The following TLE3 variants were observed in gnomAD, a reference collection of about 807,000 sequenced individuals.
TLE3 encodes the protein transducin-like enhancer protein 3.
Under a neutral mutation model 93.0 loss-of-function variants are expected in TLE3, and 14 were observed. The observed-to-expected ratio is 0.15, with a 90% confidence interval of 0.10 to 0.24. TLE3 has a LOEUF of 0.24. TLE3 is among the 10% of genes least tolerant of loss of function. The pLI, the probability that TLE3 is intolerant of heterozygous loss-of-function variation, is 1.00. For missense variants in TLE3, 693 were observed against 1,046.6 expected, an observed-to-expected ratio of 0.66 and a Z score of 4.66; for synonymous variants, 451 against 425.0, an observed-to-expected ratio of 1.06 and a Z score of -0.75.
At chr15:70,080,725 A>C (rs1447047344) in intron 4 of TLE3, among the ~76,000 whole-genome samples, 2 of 152,296 alleles carry the variant, frequency 1.3e-5, no homozygotes, top group East Asian at 3.9e-4. Context: ...TGAGCATTCT[A>C]AAAGTCTATT....
chr15:70,062,641 C>A (rs963242542), intron 8 of TLE3, among the ~76,000 whole-genome samples: 4 of 152,214 alleles, frequency 2.6e-5, no homozygotes, highest in Admixed American at 2.6e-4. Context: ...ACTAACCCCT[C>A]TGGGACAGCT....
intron 4 of TLE3, among the ~76,000 whole-genome samples, chr15:70,092,632 C>T (rs1385026560): frequency 2.6e-5 from 4 of 152,206 alleles, no homozygotes; most frequent in Admixed American, 2.0e-4. Context: ...CCTTAAGAAC[C>T]TTGTTTGGGG....
At chr15:70,074,675 G>T in intron 5 of TLE3, 68 bp from the exon 6 acceptor site, 1 of 1,383,064 alleles carries the variant, frequency 7.2e-7, no homozygotes, top group Non-Finnish European at 9.9e-7. Flanking sequence ...AGGCTGTGCA[G>T]CACTGGCAGG....
chr15:70,064,051 GACCTCTCAGAGTATC>G (rs759016752), intron 8 of TLE3, among the ~76,000 whole-genome samples: 19 of 152,276 alleles, frequency 1.2e-4, no homozygotes, highest in Non-Finnish European at 2.2e-4. Flanking sequence ...CTGGTCAGCT[GACCTCTCAGAGTATC>G]ACCTCTCATA....
At chr15:70,051,313 C>T (rs2055517694) in intron 19 of TLE3, 78 bp downstream of exon 19, 1 of 1,402,280 alleles carries the variant, frequency 7.1e-7, no homozygotes, top group African/African-American at 1.4e-5. Context: ...CTTCCTGCTG[C>T]TATCCTCACT....
intron 4 of TLE3, among the ~76,000 whole-genome samples, chr15:70,087,288 T>C (rs1441986034): frequency 6.6e-6 from 1 of 152,174 alleles, no homozygotes; most frequent in Non-Finnish European, 1.5e-5. Context: ...AGCCCTCTAG[T>C]ACACAGGTCA....
rs779294206 is a variant in TLE3, at chr15:70,059,471, G to C, written c.715-11C>G. On this transcript the variant is annotated splice_polypyrimidine_tract_variant and intron_variant, in intron 9 of 19. Coordinates refer to ENST00000451782, the MANE Select transcript of TLE3 (RefSeq NM_001105192.3). ...GTCTCCATCACTGTCCTGCAACCAA[G>C]AGAGAAGCCAACTGGTCAGTAAGAG... The C allele has an allele frequency of 1.9e-6, 3 of 1,605,896 alleles. No homozygotes were observed. The highest frequency in any genetic ancestry group is 2.2e-5 in the East Asian group (1 of 44,584).
At chr15:70,055,601 A>G (rs373904923) in intron 14 of TLE3, 2 of 314,356 alleles carry the variant, frequency 6.4e-6, no homozygotes, top group Non-Finnish European at 5.8e-6. Context: ...CAACATGCCA[A>G]CCCTGGAAAG....
chr15:70,058,666 A>G lies in TLE3; in HGVS notation c.915T>C (p.Gly305=), dbSNP rs771123581. The part of the protein sequence containing the change: ...STPSSKTKDL[G]HNDKSSTPGL... ...CTTCCACCCAGACCCCACATACATG[A>G]CCAAGGTCTTTGGTCTTGGAGGAAG... Residue 305 remains glycine (G), a synonymous_variant, in exon 11 of 20, where the codon GGT becomes GGC. Transcript: ENST00000451782. The surrounding 1 kb of genome is among the most constrained non-coding windows in gnomAD (Gnocchi z 4.1). 1.3e-6 allele frequency: 2 copies of G among 1,595,338 alleles called. No individual in the cohort carries two copies. The highest frequency in any genetic ancestry group is 8.5e-7 in the Non-Finnish European group (1 of 1,170,590).
chr15:70,094,211 G>A (rs2058441906), intron 4 of TLE3, among the ~76,000 whole-genome samples: 1 of 151,194 alleles, frequency 6.6e-6, no homozygotes, highest in African/African-American at 2.4e-5. Context: ...ACAGATAAAA[G>A]CAGCCAGCCA....
intron 4 of TLE3, among the ~76,000 whole-genome samples, chr15:70,083,697 C>T (rs1269044653): frequency 6.6e-6 from 1 of 151,698 alleles, no homozygotes; most frequent in Non-Finnish European, 1.5e-5. Context: ...ATGCAAATCT[C>T]CCCTTGCCCC....
rs186656796 is a variant in TLE3 at position 70,053,749 on chromosome 15, G to A, written c.1827-375C>T. ...TGGGGAAGCTACGTGTGAGATGACT[G>A]ATAAAGAGAATGCAGGGCCCCACTG... On this transcript the variant is annotated intron_variant, in intron 16 of 19. Transcript: ENST00000451782. 330 of 178,244 alleles carry A rather than the reference G, an allele frequency of 1.9e-3. 2 individuals are homozygous for A. Among genetic ancestry groups the A allele is most frequent in the African/African-American group, 7.5e-3 (319 of 42,592 alleles). The allele number at this position is 178,244 out of a possible 1,614,324, so 11.0% of individuals were successfully genotyped here. A position where few individuals can be genotyped will look rare whatever the true frequency, so the allele number is the denominator to read the frequency against.
At chr15:70,095,478 G>T in intron 3 of TLE3, 100 bp downstream of exon 3, 1 of 1,546,186 alleles carries the variant, frequency 6.5e-7, no homozygotes, top group South Asian at 1.2e-5. Context: ...CTGCGGCTGG[G>T]CGGTGGTGGG....
At chr15:70,064,823 A>T (rs1357064498) in intron 7 of TLE3, among the ~76,000 whole-genome samples, 1 of 150,910 alleles carries the variant, frequency 6.6e-6, no homozygotes, top group Non-Finnish European at 1.5e-5. Context: ...TTAGCAGGCT[A>T]GGGGTCTTAA....
At chr15:70,065,452 T>C (rs593011) in intron 7 of TLE3, among the ~76,000 whole-genome samples, 148,498 of 152,292 alleles carry the variant, frequency 0.98, 72,514 homozygotes, top group East Asian at 1. Flanking sequence ...TTACAGGCAG[T>C]CAGCTAACAA....
At chr15:70,085,058 T>C (rs2057979285) in intron 4 of TLE3, among the ~76,000 whole-genome samples, 1 of 152,328 alleles carries the variant, frequency 6.6e-6, no homozygotes, top group East Asian at 1.9e-4. Flanking sequence ...TTTCAAGTGC[T>C]TAAGAGCCAC....
At position 70,058,117 on chromosome 15, in the gene TLE3, C is replaced by A; in HGVS notation, c.1051+42G>T. 1 of 1,613,510 alleles carries A rather than the reference C, an allele frequency of 6.2e-7. No homozygotes were observed. The highest frequency in any genetic ancestry group is 1.1e-5 in the South Asian group (1 of 90,970). Reference sequence around the variant, plus strand: ...CCTGGCCAAGAGCAGACCCCCTCCCCCCAATCAGATTAACCCAGCCCATGG... The same window carrying A: ...CCTGGCCAAGAGCAGACCCCCTCCCACCAATCAGATTAACCCAGCCCATGG... On this transcript the variant is annotated intron_variant, in intron 12 of 19. Coordinates refer to ENST00000451782, the MANE Select transcript of TLE3 (RefSeq NM_001105192.3). This position sits in a 1 kb window ranked among gnomAD's most constrained non-coding sequence, Gnocchi z 4.1.
At chr15:70,050,620 C>T (rs2055433387) in intron 19 of TLE3, 1 of 163,552 alleles carries the variant, frequency 6.1e-6, no homozygotes, top group Non-Finnish European at 1.4e-5. Context: ...AAAGGATTGC[C>T]ACCTGATGTT....
intron 6 of TLE3, among the ~76,000 whole-genome samples, chr15:70,069,735 G>A (rs181528491): frequency 1.8e-3 from 270 of 152,340 alleles, no homozygotes; most frequent in African/African-American, 3.5e-3. Context: ...CGGAGGGTCC[G>A]CTAACAACAA....
Sources: allele counts gnomAD v4.1 joint callset (sites outside exome capture counted in the v4.1 genomes callset), GRCh38; gene constraint gnomAD v4.1.1; non-coding constraint Gnocchi (gnomAD v3.1); transcripts MANE v1.5; gene names NCBI Gene and HGNC (gene_info 2026-07-23, HGNC 2026-07-21).